PRMT7: variants seen among roughly 807,000 people sequenced by gnomAD.
The protein encoded by PRMT7 is protein arginine N-methyltransferase 7.
Under a neutral mutation model 85.4 loss-of-function variants are expected in PRMT7, and 75 were observed. The ratio of observed to expected loss-of-function variants is 0.88; its 90% CI spans 0.73 to 1.06. PRMT7 has a LOEUF of 1.06. Among genes scored for constraint, PRMT7 ranks in the 50% least tolerant of loss-of-function variants. The pLI, the probability that PRMT7 is intolerant of heterozygous loss-of-function variation, is 0.00. For missense variants in PRMT7, 868 were observed against 915.2 expected (o/e 0.95, Z 0.67); for synonymous variants, 397 against 359.5 (o/e 1.10, Z -1.18).
chr16:68,353,460 C>T (rs748482797), intron 15 of PRMT7, 32 bp from the exon 16 acceptor site: 17 of 1,609,452 alleles, frequency 1.1e-5, no homozygotes, highest in South Asian at 2.2e-5. Context: ...TCCTGGCGGG[C>T]GGGTGTGGAC....
At chr16:68,326,941 T>C (rs1227530029) in intron 5 of PRMT7, among the ~76,000 whole-genome samples, 3 of 152,112 alleles carry the variant, frequency 2.0e-5, no homozygotes, top group Non-Finnish European at 4.4e-5. Context: ...TTGGATATTG[T>C]CAGGGTGGAG....
intron 3 of PRMT7, among the ~76,000 whole-genome samples, chr16:68,320,804 A>AT (rs917238748): frequency 2.0e-5 from 3 of 152,122 alleles, no homozygotes; most frequent in Non-Finnish European, 4.4e-5. Flanking sequence ...TTGAAACTCT[A>AT]TTAAAATAAA....
rs1255473979 is a variant in PRMT7, at chr16:68,324,745, G to A, written c.195G>A (p.Lys65=). 1.5e-5 allele frequency: 24 copies of A among 1,613,942 alleles called. No individual in the cohort carries two copies. Among genetic ancestry groups the A allele is most frequent in the Non-Finnish European group, 1.9e-5 (22 of 1,179,980 alleles). ...GCAGGGTGAAGGACAGAGGACAGAA[G>A]GCCTTGGTTCTCGACATTGGCACTG... is the stretch of plus-strand genomic sequence containing the variant. ...AVSRVKDRGQ[K]ALVLDIGTGT... is the part of the protein sequence containing the mutation. Residue 65 remains lysine (K), a synonymous_variant, in exon 5 of 19, where the codon AAG becomes AAA. Coordinates refer to ENST00000441236, the MANE Select transcript of PRMT7 (RefSeq NM_019023.5).
chr16:68,325,817 A>T (rs918625411), intron 5 of PRMT7, among the ~76,000 whole-genome samples: 1 of 152,060 alleles, frequency 6.6e-6, no homozygotes, highest in Non-Finnish European at 1.5e-5. Flanking sequence ...AAAAAACCTT[A>T]TGCCTAGTCC....
intron 6 of PRMT7, among the ~76,000 whole-genome samples, chr16:68,331,311 CTATT>C (rs772765833): frequency 7.3e-4 from 111 of 151,998 alleles, no homozygotes; most frequent in Non-Finnish European, 1.5e-3. Context: ...GAGCAGCACT[CTATT>C]AGATAGATGT....
At chr16:68,319,665 A>T (rs921392551) in intron 3 of PRMT7, among the ~76,000 whole-genome samples, 4 of 149,958 alleles carry the variant, frequency 2.7e-5, no homozygotes, top group Non-Finnish European at 4.4e-5. Flanking sequence ...CACCTGTGGC[A>T]CAATTGCCTG....
chr16:68,333,534 G>A (rs955040368), intron 6 of PRMT7, among the ~76,000 whole-genome samples: 10 of 152,092 alleles, frequency 6.6e-5, no homozygotes, highest in African/African-American at 2.4e-4. Context: ...TGTTTCACAG[G>A]CTGGTCTTGA....
At chr16:68,320,658 T>A (rs1448760698) in intron 3 of PRMT7, among the ~76,000 whole-genome samples, 1 of 152,170 alleles carries the variant, frequency 6.6e-6, no homozygotes, top group Non-Finnish European at 1.5e-5. Flanking sequence ...CTGCAGAGAT[T>A]TGTTTATGAC....
chr16:68,312,405 T>C (rs1368531594), intron 2 of PRMT7, among the ~76,000 whole-genome samples: 1 of 151,812 alleles, frequency 6.6e-6, no homozygotes, highest in Non-Finnish European at 1.5e-5. Flanking sequence ...GCTAATTTTT[T>C]TAAAAATTTT....
At chr16:68,333,142 G>A (rs1381622877) in intron 6 of PRMT7, among the ~76,000 whole-genome samples, 1 of 152,052 alleles carries the variant, frequency 6.6e-6, no homozygotes, top group Admixed American at 6.6e-5. Flanking sequence ...ACAGGCAGGC[G>A]CCACCATACC....
intron 11 of PRMT7, among the ~76,000 whole-genome samples, chr16:68,346,555 G>A (rs1202877880): frequency 7.9e-6 from 1 of 126,176 alleles, no homozygotes; most frequent in Non-Finnish European, 1.6e-5. Flanking sequence ...ATTGCTGTGG[G>A]TGGTCACGGT....
chr16:68,339,327 T>G lies in PRMT7; in HGVS notation c.510T>G (p.Asn170Lys). 1 of 1,613,712 alleles carries G rather than the reference T, an allele frequency of 6.2e-7. No homozygotes were observed. The highest frequency in any genetic ancestry group is 8.5e-7 in the Non-Finnish European group (1 of 1,179,650). Residue 170 changes from asparagine (N) to lysine (K), a missense_variant, in exon 8 of 19, where the codon AAT becomes AAG. Transcript: ENST00000441236. ...TGTTTTTAATATAAACTTAGGAAAA[T>G]TGTGAGGCCGTGCCCCACAGAGCCA... is the stretch of plus-strand genomic sequence containing the variant. The part of the protein sequence containing the change: ...EHAHRHLVEE[N>K]CEAVPHRATV...
chr16:68,321,714 T>C, intron 4 of PRMT7: 2 of 410,718 alleles, frequency 4.9e-6, no homozygotes, highest in Non-Finnish European at 8.7e-6. Flanking sequence ...GTGATGAATA[T>C]ATGTGTATGG....
intron 16 of PRMT7, chr16:68,355,358 A>C (rs1597510549): frequency 1.1e-5 from 2 of 176,384 alleles, no homozygotes; most frequent in East Asian, 1.5e-4. Context: ...TCACGCATTT[A>C]TCCCTCCCTG....
intron 4 of PRMT7, chr16:68,323,742 T>G (rs1437352769): frequency 6.6e-6 from 1 of 152,238 alleles, no homozygotes; most frequent in Admixed American, 6.5e-5. Flanking sequence ...TTTAACAAAT[T>G]ACCTTAAATT....
intron 9 of PRMT7, among the ~76,000 whole-genome samples, chr16:68,344,879 A>T (rs1461224421): frequency 6.9e-6 from 1 of 145,928 alleles, no homozygotes; most frequent in African/African-American, 2.6e-5. Context: ...ACCAGTTGTT[A>T]ACGTTTGCCA....
intron 9 of PRMT7, among the ~76,000 whole-genome samples, chr16:68,343,011 C>T (rs972289704): frequency 2.0e-5 from 3 of 152,158 alleles, no homozygotes; most frequent in Admixed American, 6.5e-5. Context: ...TCAAGACCAG[C>T]CTGGCTAACA....
intron 6 of PRMT7, among the ~76,000 whole-genome samples, chr16:68,335,402 G>T (rs373457699): frequency 6.6e-6 from 1 of 152,078 alleles, no homozygotes; most frequent in Non-Finnish European, 1.5e-5. Context: ...AGGAGCAGGC[G>T]TGTTAGCTGG....
rs769682553 is a variant in PRMT7, at chr16:68,347,307, AC to A, written c.1275+16del. On this transcript the variant is annotated intron_variant, in intron 12 of 18. Coordinates refer to ENST00000441236, the MANE Select transcript of PRMT7 (RefSeq NM_019023.5). ...GGGGGTGGAGCAGGTACTGACATGC[AC>A]CCTTGTCAGCCTCCTGATGTGGGCT... 6 of 1,525,776 alleles carry A rather than the reference AC, an allele frequency of 3.9e-6. No individual in the cohort carries two copies. Among genetic ancestry groups the A allele is most frequent in the Non-Finnish European group, 5.3e-6 (6 of 1,131,284 alleles). 94.5% of individuals were successfully genotyped at this position (1,525,776 alleles called of 1,614,324 possible). A position where few individuals can be genotyped will look rare whatever the true frequency, so the allele number is the denominator to read the frequency against.
Sources: allele counts gnomAD v4.1 joint callset (sites outside exome capture counted in the v4.1 genomes callset), GRCh38; gene constraint gnomAD v4.1.1; transcripts MANE v1.5; gene names NCBI Gene and HGNC (gene_info 2026-07-23, HGNC 2026-07-21).